The following TAFA1 variants were observed in gnomAD, a reference collection of about 807,000 sequenced individuals.
TAFA1 encodes chemokine-like protein TAFA-1.
TAFA1 carries 4 observed loss-of-function variants against 18.5 expected under a neutral mutation model. The ratio of observed to expected loss-of-function variants is 0.22; its 90% CI spans 0.11 to 0.49. The LOEUF is 0.49. Ranked by LOEUF, TAFA1 falls within the 20% of genes least tolerant of loss-of-function variation. TAFA1 has a pLI of 0.98. For missense variants in TAFA1, 147 were observed against 169.0 expected, an observed-to-expected ratio of 0.87 and a Z score of 0.72; for synonymous variants, 56 against 55.2, an observed-to-expected ratio of 1.01 and a Z score of -0.06.
In TAFA1 at chr3:68,279,876, A is replaced by T. The variant is rs78568713; in HGVS notation, c.119-137404A>T. 8.5e-3 allele frequency among the ~76,000 whole-genome samples: 1,291 copies of T among 152,250 alleles called. 54 individuals carry two copies. The East Asian group carries it at 0.13, about 15-fold the overall frequency. The stretch of plus-strand genomic sequence containing the variant: ...GAACCATAACTTTTGTCATTTCTTG[A>T]CTTTGGAGAAATTTCAATTTGTAGC... On this transcript the variant is annotated intron_variant, in intron 2 of 4. Coordinates refer to ENST00000478136, the MANE Select transcript of TAFA1 (RefSeq NM_213609.4).
chr3:68,023,719 G>T (rs1704747964), intron 2 of TAFA1, among the ~76,000 whole-genome samples: 1 of 152,072 alleles, frequency 6.6e-6, no homozygotes, highest in African/African-American at 2.4e-5. Context: ...CAAAAGTGTA[G>T]ATTTGAGAAG....
intron 2 of TAFA1, among the ~76,000 whole-genome samples, chr3:68,190,266 C>T (rs546554611): frequency 5.3e-5 from 8 of 151,968 alleles, no homozygotes; most frequent in East Asian, 1.9e-4. Context: ...CTTGCTTTCA[C>T]TCATTACAGC....
At chr3:68,057,468 G>C (rs188035513) in intron 2 of TAFA1, among the ~76,000 whole-genome samples, 2 of 152,312 alleles carry the variant, frequency 1.3e-5, no homozygotes, top group Non-Finnish European at 2.9e-5. Context: ...CTCAGGAAAT[G>C]TGCTAAGGTG....
chr3:68,539,382 T>C (rs2073330484), intron 4 of TAFA1, among the ~76,000 whole-genome samples: 1 of 151,806 alleles, frequency 6.6e-6, no homozygotes, highest in African/African-American at 2.4e-5. Flanking sequence ...TCAGGAGTGA[T>C]CTTCTAAATA....
rs144636123 is a variant in TAFA1 at position 68,417,213 on chromosome 3, C to A, written c.119-67C>A. 4.2e-5 allele frequency: 59 copies of A among 1,420,892 alleles called. No homozygotes were observed. The African/African-American group carries it at 6.8e-4, about 16-fold the overall frequency. 88.0% of individuals were successfully genotyped at this position (1,420,892 alleles called of 1,614,324 possible). On this transcript the variant is annotated intron_variant, in intron 2 of 4. Transcript: ENST00000478136. ...ACTTTCCTCAACCCCGCTACATGCA[C>A]TCCCAGGGGCTCGAATAGTCACTGA...
chr3:68,511,966 T>C (rs2072853915), intron 3 of TAFA1, among the ~76,000 whole-genome samples: 1 of 152,052 alleles, frequency 6.6e-6, no homozygotes, highest in Admixed American at 6.6e-5. Flanking sequence ...CTAAGGTCTT[T>C]CTGTATTAAC....
chr3:68,194,189 G>C (rs1433629976), intron 2 of TAFA1, among the ~76,000 whole-genome samples: 1 of 151,692 alleles, frequency 6.6e-6, no homozygotes, highest in Admixed American at 6.6e-5. Flanking sequence ...CAGCCTCAAA[G>C]TCAATGGGGT....
At chr3:68,215,563 G>C (rs912553682) in intron 2 of TAFA1, among the ~76,000 whole-genome samples, 3 of 151,916 alleles carry the variant, frequency 2.0e-5, no homozygotes, top group Non-Finnish European at 4.4e-5. Flanking sequence ...TTAAGAGAAT[G>C]AAAAGACAAG....
At chr3:68,337,915 C>T (rs2069002794) in intron 2 of TAFA1, among the ~76,000 whole-genome samples, 1 of 152,152 alleles carries the variant, frequency 6.6e-6, no homozygotes, top group Non-Finnish European at 1.5e-5. Context: ...CATTGAGTCC[C>T]CAACCAATTT....
chr3:68,358,335 T>C (rs971450143), intron 2 of TAFA1, among the ~76,000 whole-genome samples: 2 of 151,954 alleles, frequency 1.3e-5, no homozygotes, highest in Non-Finnish European at 2.9e-5. Flanking sequence ...CCCAGTTTTA[T>C]TATTGATGGC....
intron 2 of TAFA1, among the ~76,000 whole-genome samples, chr3:68,134,105 G>A (rs989839538): frequency 5.1e-4 from 74 of 146,080 alleles, no homozygotes; most frequent in African/African-American, 1.8e-3. Context: ...AAAAAACAAT[G>A]ATTGATTCAT....
At chr3:68,036,306 G>A (rs1263790743) in intron 2 of TAFA1, among the ~76,000 whole-genome samples, 1 of 151,944 alleles carries the variant, frequency 6.6e-6, no homozygotes. Flanking sequence ...ATGCATGGTG[G>A]TGTGCACCTG....
chr3:68,174,052 C>A (rs1231231731), intron 2 of TAFA1, among the ~76,000 whole-genome samples: 1 of 152,082 alleles, frequency 6.6e-6, no homozygotes, highest in Non-Finnish European at 1.5e-5. Context: ...TCCAAATAAA[C>A]AATGACATGG....
At chr3:67,997,165 T>G in the TAFA1 span, among the ~76,000 whole-genome samples, 1 of 152,204 alleles carries the variant, frequency 6.6e-6, no homozygotes, top group Non-Finnish European at 1.5e-5. Context: ...TTCTATACAT[T>G]TGCACATTCA....
chr3:68,022,842 T>TTATA (rs201139587), intron 2 of TAFA1, among the ~76,000 whole-genome samples: 29 of 137,350 alleles, frequency 2.1e-4, no homozygotes, highest in African/African-American at 7.9e-4. Flanking sequence ...TATATATATA[T>TTATA]TATATATATA....
Position 68,544,404 on chromosome 3 carries a change from C to T in TAFA1, c.385-82C>T. The T allele has an allele frequency of 3.6e-6, 5 of 1,394,000 alleles. No individual in the cohort carries two copies. The South Asian group carries it at 3.7e-5, about 10-fold the overall frequency. The allele number at this position is 1,394,000 out of a possible 1,614,324, so 86.4% of individuals were successfully genotyped here. A position where few individuals can be genotyped will look rare whatever the true frequency, so the allele number is the denominator to read the frequency against. The stretch of plus-strand genomic sequence containing the variant: ...CAACATCCTAAAGATTCAAGGTGTC[C>T]TCCTTTTCTACATAATCACATTTCT... On this transcript the variant is annotated intron_variant, in intron 4 of 4. Coordinates refer to ENST00000478136, the MANE Select transcript of TAFA1 (RefSeq NM_213609.4).
chr3:68,275,332 G>A (rs966953026), intron 2 of TAFA1, among the ~76,000 whole-genome samples: 15 of 152,082 alleles, frequency 9.9e-5, no homozygotes, highest in African/African-American at 3.6e-4. Flanking sequence ...TAACTGCCAA[G>A]GGGTAGGAAT....
At chr3:68,066,986 T>G (rs1265516418) in intron 2 of TAFA1, among the ~76,000 whole-genome samples, 1 of 152,136 alleles carries the variant, frequency 6.6e-6, no homozygotes, top group East Asian at 1.9e-4. Context: ...GTAAAGTCTT[T>G]GACATGGTAT....
intron 2 of TAFA1, among the ~76,000 whole-genome samples, chr3:68,395,225 A>G (rs2070351895): frequency 6.6e-6 from 1 of 152,234 alleles, no homozygotes; most frequent in Admixed American, 6.5e-5. Context: ...AGAATTGCAT[A>G]TTAAAAGCAC....
Sources: gnomAD v4.1 joint callset for allele counts (sites outside exome capture counted in the v4.1 genomes callset) on GRCh38, gnomAD v4.1.1 for gene constraint, MANE v1.5 for transcripts, NCBI Gene and HGNC (gene_info 2026-07-23, HGNC 2026-07-21) for gene names.